The following NCOA1 variants were observed in gnomAD, a reference collection of about 807,000 sequenced individuals.
NCOA1 encodes Hin-2 protein.
In NCOA1, 35 loss-of-function variants were observed where a neutral mutation model predicts 150.9. The observed-to-expected ratio is 0.23, with a 90% CI of 0.18 to 0.31. NCOA1 has a LOEUF of 0.31. Ranked by LOEUF, NCOA1 falls within the 10% of genes least tolerant of loss-of-function variation. The pLI is 1.00. For synonymous variants in NCOA1, 590 were observed against 630.0 expected (o/e 0.94, Z 0.95); for missense variants, 1,491 against 1,749.3 (o/e 0.85, Z 2.63).
intron 6 of NCOA1, among the ~76,000 whole-genome samples, chr2:24,671,154 G>A (rs145469221): frequency 6.6e-6 from 1 of 151,616 alleles, no homozygotes; most frequent in African/African-American, 2.4e-5. Flanking sequence ...ATCCACTGCA[G>A]ATTATTTATA....
At chr2:24,671,713 A>G (rs368131841) in intron 6 of NCOA1, among the ~76,000 whole-genome samples, 3 of 152,150 alleles carry the variant, frequency 2.0e-5, no homozygotes, top group African/African-American at 7.2e-5. Flanking sequence ...GACATGTGCC[A>G]CCACGCCCGG....
chr2:24,757,818 G>A (rs1420580521), intron 20 of NCOA1, among the ~76,000 whole-genome samples, 155 bp from the exon 21 acceptor site: 1 of 152,118 alleles, frequency 6.6e-6, no homozygotes, highest in African/African-American at 2.4e-5. Context: ...ACTTCAGAAT[G>A]TATCTGAATT....
intron 4 of NCOA1, among the ~76,000 whole-genome samples, chr2:24,652,706 C>T (rs1670763663): frequency 6.6e-6 from 1 of 151,996 alleles, no homozygotes; most frequent in South Asian, 2.1e-4. Context: ...TTTCTAGTTC[C>T]TAAAACTACT....
At chr2:24,513,002 G>A (rs763273500) in intron 1 of NCOA1, among the ~76,000 whole-genome samples, 1 of 152,096 alleles carries the variant, frequency 6.6e-6, no homozygotes, top group Non-Finnish European at 1.5e-5. Context: ...ATGAAAGTAA[G>A]GCTTGCGAAA....
At chr2:24,506,631 C>G (rs1663707852) in intron 1 of NCOA1, among the ~76,000 whole-genome samples, 2 of 152,034 alleles carry the variant, frequency 1.3e-5, no homozygotes, top group Non-Finnish European at 2.9e-5. Flanking sequence ...CCTTAATTAT[C>G]ATAAGAGAAT....
At chr2:24,599,993 A>G (rs2148353979) in intron 3 of NCOA1, among the ~76,000 whole-genome samples, 1 of 151,988 alleles carries the variant, frequency 6.6e-6, no homozygotes, top group South Asian at 2.1e-4. Context: ...CGCCTCCCAA[A>G]CTGCTGGGAT....
chr2:24,684,423 G>C (rs1483071825), intron 8 of NCOA1, among the ~76,000 whole-genome samples: 9 of 152,184 alleles, frequency 5.9e-5, no homozygotes, highest in African/African-American at 1.2e-4. Context: ...CACATTACCT[G>C]TTCTGCCTGG....
chr2:24,521,454 T>G (rs1294748091), intron 1 of NCOA1, among the ~76,000 whole-genome samples: 1 of 152,218 alleles, frequency 6.6e-6, no homozygotes, highest in African/African-American at 2.4e-5. Flanking sequence ...GTTCAACTTT[T>G]TAAGATTCTA....
intron 3 of NCOA1, among the ~76,000 whole-genome samples, chr2:24,593,377 C>G (rs1289928257): frequency 2.0e-5 from 3 of 152,046 alleles, no homozygotes; most frequent in Non-Finnish European, 2.9e-5. Context: ...ATTAGTATAG[C>G]TGTGGCATAA....
chr2:24,527,729 T>G (rs1025990534), intron 1 of NCOA1, among the ~76,000 whole-genome samples: 2 of 152,216 alleles, frequency 1.3e-5, no homozygotes, highest in African/African-American at 4.8e-5. Flanking sequence ...TTAATTTCTT[T>G]AGGAACCTCC....
intron 2 of NCOA1, among the ~76,000 whole-genome samples, chr2:24,574,589 C>T (rs1170391599): frequency 1.3e-5 from 2 of 151,916 alleles, no homozygotes; most frequent in Non-Finnish European, 2.9e-5. Flanking sequence ...TATTTATTAA[C>T]GTATTTACCA....
intron 7 of NCOA1, 147 bp downstream of exon 7, chr2:24,673,610 T>G (rs967802797): frequency 1.2e-5 from 6 of 510,716 alleles, no homozygotes; most frequent in Non-Finnish European, 1.7e-5. Flanking sequence ...GAGAACTATT[T>G]GACAGTTGTT....
chr2:24,716,909 A>G (rs186176058), intron 14 of NCOA1, among the ~76,000 whole-genome samples: 11 of 152,338 alleles, frequency 7.2e-5, no homozygotes, highest in Admixed American at 5.2e-4. Flanking sequence ...TGTAAAACAC[A>G]TATCTGATAT....
intron 1 of NCOA1, among the ~76,000 whole-genome samples, chr2:24,529,877 G>A (rs975198924): frequency 6.6e-6 from 1 of 152,074 alleles, no homozygotes; most frequent in Admixed American, 6.5e-5. Flanking sequence ...TAAACTCTTA[G>A]ATATTTTAGC....
intron 3 of NCOA1, among the ~76,000 whole-genome samples, chr2:24,584,805 C>T (rs547553988): frequency 1.3e-5 from 2 of 152,252 alleles, no homozygotes; most frequent in South Asian, 2.1e-4. Context: ...TCGAAAACTT[C>T]CTAAAGTTCA....
chr2:24,729,398 T>G lies in NCOA1; in HGVS notation c.2887-103T>G, dbSNP rs976098880. On this transcript the variant is annotated intron_variant, in intron 16 of 22. Transcript: ENST00000348332. ...TTAGGTAGTAAACTTCTGGAGAGCA[T>G]GAATTCAGAATGAATATATGATGGT... 3.5e-6 allele frequency: 4 copies of G among 1,147,900 alleles called. 1 individual carries two copies. The South Asian group carries it at 6.1e-5, about 18-fold the overall frequency. The allele number at this position is 1,147,900 out of a possible 1,614,324, so 71.1% of individuals were successfully genotyped here.
rs1052889516 is a variant in NCOA1, at chr2:24,527,759, C to T, written c.-396+36157C>T. On this transcript the variant is annotated intron_variant, in intron 1 of 22. Transcript: ENST00000348332. ...ACCTCCATAACATTTTCCATAATGG[C>T]TGCACTAATCCACATTTCCTACCAA... Among the ~76,000 whole-genome samples the T allele has an allele frequency of 3.3e-5, 5 of 152,294 alleles. No homozygotes were observed. In the South Asian group the frequency reaches 1.0e-3, roughly 32 times the overall value.
intron 7 of NCOA1, among the ~76,000 whole-genome samples, chr2:24,675,944 T>C (rs1357399390): frequency 6.6e-6 from 1 of 152,164 alleles, no homozygotes; most frequent in African/African-American, 2.4e-5. Flanking sequence ...GATTACTATA[T>C]GTACCTGTGA....
At chr2:24,535,684 A>T (rs964213441) in intron 1 of NCOA1, among the ~76,000 whole-genome samples, 2 of 152,076 alleles carry the variant, frequency 1.3e-5, no homozygotes, top group African/African-American at 4.8e-5. Flanking sequence ...GTCTGGAAAG[A>T]ATTTTATTTT....
Sources: allele counts gnomAD v4.1 joint callset (sites outside exome capture counted in the v4.1 genomes callset), GRCh38; gene constraint gnomAD v4.1.1; transcripts MANE v1.5; gene names NCBI Gene and HGNC (gene_info 2026-07-23, HGNC 2026-07-21).